The following TLK1 variants were observed in gnomAD, a reference collection of about 807,000 sequenced individuals.
TLK1 encodes tousled like kinase 1.
Under a neutral mutation model 105.3 loss-of-function variants are expected in TLK1, and 24 were observed. That is an observed-to-expected ratio of 0.23 (90% CI 0.17 to 0.32). TLK1 has a LOEUF of 0.32. Ranked by LOEUF, TLK1 falls within the 10% of genes least tolerant of loss-of-function variation. TLK1 has a pLI of 1.00. For synonymous variants in TLK1, 321 were observed against 310.4 expected (o/e 1.03, Z -0.36); for missense variants, 558 against 910.5 (o/e 0.61, Z 4.98).
intron 3 of TLK1, among the ~76,000 whole-genome samples, chr2:171,074,352 G>A (rs991444091): frequency 1.3e-5 from 2 of 152,168 alleles, no homozygotes; most frequent in Non-Finnish European, 1.5e-5. Flanking sequence ...GGAGGTGGAG[G>A]TGTAGTGGCT....
At chr2:171,105,664 G>GCGA (rs1689890233) in intron 2 of TLK1, among the ~76,000 whole-genome samples, 1 of 152,114 alleles carries the variant, frequency 6.6e-6, no homozygotes, top group African/African-American at 2.4e-5. Flanking sequence ...CTCCAGCCTG[G>GCGA]CGACAGAGCG....
At position 171,152,963 on chromosome 2, in the gene TLK1, G is replaced by A. The variant is rs184105327; in HGVS notation, c.139+7327C>T. Among the ~76,000 whole-genome samples, 12 of 152,146 alleles carry A rather than the reference G, an allele frequency of 7.9e-5. No homozygotes were observed. In the East Asian group the frequency reaches 2.3e-3, roughly 29 times the overall value. On this transcript the variant is annotated intron_variant, in intron 1 of 20. Transcript: ENST00000431350. ...ACAGCTGGTACAGCTTTCTAAATTGGGTTGTTTGGTTGGGGTTTTTGTATT... is the reference window on the plus strand; with the variant it reads ...ACAGCTGGTACAGCTTTCTAAATTGAGTTGTTTGGTTGGGGTTTTTGTATT...
intron 1 of TLK1, among the ~76,000 whole-genome samples, chr2:171,150,446 T>C (rs1414110912): frequency 6.6e-6 from 1 of 152,220 alleles, no homozygotes; most frequent in Non-Finnish European, 1.5e-5. Context: ...ATCCAATTCA[T>C]GTCATCTCAA....
At chr2:171,161,951 T>C (rs1370803053), upstream of TLK1, among the ~76,000 whole-genome samples, 4 of 152,186 alleles carry the variant, frequency 2.6e-5, no homozygotes, top group Non-Finnish European at 4.4e-5. Flanking sequence ...GATTATGATA[T>C]AGCGCTACTG....
Position 171,049,794 on chromosome 2 carries a change from A to C in TLK1, c.980+20T>G. 1.2e-6 allele frequency: 2 copies of C among 1,611,568 alleles called. No individual in the cohort carries two copies. Among genetic ancestry groups the C allele is most frequent in the Non-Finnish European group, 1.7e-6 (2 of 1,179,278 alleles). On this transcript the variant is annotated intron_variant, in intron 10 of 20. Transcript: ENST00000431350. ...ACCCAAACGAATACTAAAAACTTTTAAATGTTAAGAATGACTAACTTCACA... is the reference window on the plus strand; with the variant it reads ...ACCCAAACGAATACTAAAAACTTTTCAATGTTAAGAATGACTAACTTCACA...
intron 18 of TLK1, among the ~76,000 whole-genome samples, chr2:171,005,297 G>A (rs1206245435): frequency 6.6e-6 from 1 of 152,312 alleles, no homozygotes; most frequent in East Asian, 1.9e-4. Flanking sequence ...ATACTGAGGG[G>A]ATGACAGTCA....
At chr2:171,081,062 A>G (rs1208510523) in intron 3 of TLK1, among the ~76,000 whole-genome samples, 1 of 152,234 alleles carries the variant, frequency 6.6e-6, no homozygotes, top group Non-Finnish European at 1.5e-5. Context: ...TTCAATACAG[A>G]TAAAGCTAAG....
intron 2 of TLK1, among the ~76,000 whole-genome samples, chr2:171,105,085 T>C (rs970845849): frequency 6.6e-6 from 1 of 152,144 alleles, no homozygotes; most frequent in African/African-American, 2.4e-5. Context: ...CTTCAGGGCA[T>C]TGGTCTAGGT....
intron 1 of TLK1, among the ~76,000 whole-genome samples, chr2:171,176,521 G>A (rs975898576): frequency 6.6e-6 from 1 of 152,116 alleles, no homozygotes; most frequent in African/African-American, 2.4e-5. Context: ...TAGTTGCTGA[G>A]GCTGAAATCC....
intron 1 of TLK1, among the ~76,000 whole-genome samples, chr2:171,221,715 C>T (rs1471844449): frequency 6.6e-6 from 1 of 152,296 alleles, no homozygotes; most frequent in Non-Finnish European, 1.5e-5. Context: ...TTGTTAGGAC[C>T]TTTCCTCCTG....
At chr2:171,036,998 C>T (rs1014185953) in intron 11 of TLK1, among the ~76,000 whole-genome samples, 7 of 151,988 alleles carry the variant, frequency 4.6e-5, no homozygotes, top group African/African-American at 9.7e-5. Context: ...AAGATAATTA[C>T]TTTTTATAAT....
intron 13 of TLK1, among the ~76,000 whole-genome samples, chr2:171,014,006 G>C (rs1232009437): frequency 6.6e-6 from 1 of 152,092 alleles, no homozygotes; most frequent in African/African-American, 2.4e-5. Context: ...CACTCATTCT[G>C]ACAACTGATT....
chr2:171,080,022 A>AC (rs199678658), intron 3 of TLK1, among the ~76,000 whole-genome samples: 9 of 152,092 alleles, frequency 5.9e-5, no homozygotes, highest in African/African-American at 2.2e-4. Context: ...GGAGAAAGCA[A>AC]TTTTTTTTAA....
chr2:171,124,556 CTGACTTCACAGT>C (rs1471395841), intron 1 of TLK1, among the ~76,000 whole-genome samples: 3 of 152,200 alleles, frequency 2.0e-5, no homozygotes, highest in Admixed American at 6.5e-5. Flanking sequence ...AAAGAGCAAA[CTGACTTCACAGT>C]TGACAGTACT....
At chr2:171,014,794 TGG>T in intron 13 of TLK1, 55 bp downstream of exon 13, 1 of 1,247,150 alleles carries the variant, frequency 8.0e-7, no homozygotes, top group Non-Finnish European at 1.2e-6. Context: ...TTATGCTCTA[TGG>T]GGGGCGGGGG....
At chr2:171,112,411 T>A (rs991380925) in intron 2 of TLK1, among the ~76,000 whole-genome samples, 4 of 152,186 alleles carry the variant, frequency 2.6e-5, no homozygotes, top group African/African-American at 9.7e-5. Context: ...TTTCATAAGT[T>A]CAAAACTATT....
At chr2:171,214,280 C>T (rs749948760) in intron 1 of TLK1, among the ~76,000 whole-genome samples, 4 of 152,158 alleles carry the variant, frequency 2.6e-5, no homozygotes, top group African/African-American at 4.8e-5. Flanking sequence ...AGTATCCATA[C>T]GGCTTGGGTG....
chr2:171,082,885 G>A (rs762619804), intron 2 of TLK1, 33 bp from the exon 3 acceptor site: 7 of 1,487,728 alleles, frequency 4.7e-6, no homozygotes, highest in East Asian at 2.3e-5. Flanking sequence ...TAAAAATTAG[G>A]AGTAATTTTT....
At chr2:171,104,043 CT>C (rs1201030984) in intron 2 of TLK1, among the ~76,000 whole-genome samples, 1 of 152,132 alleles carries the variant, frequency 6.6e-6, no homozygotes, top group Non-Finnish European at 1.5e-5. Context: ...AATCCCAACA[CT>C]TTGGGAGGAT....
Sources: allele counts gnomAD v4.1 joint callset (sites outside exome capture counted in the v4.1 genomes callset), GRCh38; gene constraint gnomAD v4.1.1; transcripts MANE v1.5; gene names NCBI Gene and HGNC (gene_info 2026-07-23, HGNC 2026-07-21).